Variants in AMN1 observed in about 807,000 individuals in gnomAD.
AMN1 encodes the protein protein AMN1 homolog.
In AMN1, 20 loss-of-function variants were observed where a neutral mutation model predicts 33.0. The observed-to-expected ratio is 0.61, with a 90% CI of 0.43 to 0.88. The LOEUF (loss-of-function observed/expected upper bound fraction) is 0.88, where lower values mean the gene tolerates loss of function less well. AMN1 is among the 40% of genes least tolerant of loss of function. The pLI, the probability that AMN1 is intolerant of heterozygous loss-of-function variation, is 0.00. For synonymous variants in AMN1, 114 were observed against 111.9 expected (o/e 1.02, Z -0.12); for missense variants, 246 against 307.4 (o/e 0.80, Z 1.49).
intron 1 of AMN1, among the ~76,000 whole-genome samples, chr12:31,711,174 C>T (rs1294892558): frequency 2.0e-5 from 3 of 151,928 alleles, no homozygotes; most frequent in Non-Finnish European, 4.4e-5. Flanking sequence ...GCACCCAGCC[C>T]TATTTATTTA....
chr12:31,726,692 T>C (rs1191047088), intron 1 of AMN1, among the ~76,000 whole-genome samples: 1 of 152,212 alleles, frequency 6.6e-6, no homozygotes, highest in African/African-American at 2.4e-5. Context: ...CTCAAGCTTC[T>C]TACTTTGTTA....
intron 6 of AMN1, among the ~76,000 whole-genome samples, chr12:31,681,217 T>C (rs1195227171): frequency 6.6e-6 from 1 of 152,112 alleles, no homozygotes; most frequent in Non-Finnish European, 1.5e-5. Context: ...GTATGAACTC[T>C]TGCATTATTA....
At chr12:31,680,527 T>G (rs1438826566) in intron 6 of AMN1, among the ~76,000 whole-genome samples, 1 of 152,194 alleles carries the variant, frequency 6.6e-6, no homozygotes, top group African/African-American at 2.4e-5. Context: ...ATATTTCTAA[T>G]AGCAGCTTAG....
chr12:31,725,569 T>C (rs914756705), intron 1 of AMN1, among the ~76,000 whole-genome samples: 5 of 152,234 alleles, frequency 3.3e-5, no homozygotes, highest in African/African-American at 4.8e-5. Context: ...TAAAATTTTG[T>C]CCTTGACTTT....
intron 2 of AMN1, 35 bp from the exon 3 acceptor site, chr12:31,702,042 C>A (rs1196349315): frequency 2.0e-6 from 3 of 1,500,782 alleles, no homozygotes; most frequent in South Asian, 1.3e-5. Context: ...AAAATTATTT[C>A]TTTCTATAAA....
chr12:31,729,018 G>C lies in AMN1; in HGVS notation c.-10C>G, dbSNP rs769372231. On this transcript the variant is annotated 5_prime_UTR_variant, in exon 1 of 7. Transcript: ENST00000281471. ...GCCGTGGGCGAGGCATCGCTGCAGC[G>C]TCTGAAGCCTCTTCCGCGGTCCCAG... The C allele has an allele frequency of 3.2e-6, 5 of 1,541,450 alleles. No homozygotes were observed. The highest frequency in any genetic ancestry group is 1.7e-4 in the Middle Eastern group (1 of 5,892).
chr12:31,720,257 C>T (rs1939832353), intron 1 of AMN1, among the ~76,000 whole-genome samples: 1 of 152,108 alleles, frequency 6.6e-6, no homozygotes, highest in Non-Finnish European at 1.5e-5. Flanking sequence ...GAAGTCAGTC[C>T]CTGCCGGGTG....
chr12:31,706,154 T>C (rs1939226881), intron 2 of AMN1, among the ~76,000 whole-genome samples: 1 of 151,380 alleles, frequency 6.6e-6, no homozygotes, highest in South Asian at 2.1e-4. Flanking sequence ...CTACTAAAAA[T>C]ACAAAAAATT....
chr12:31,705,651 G>A (rs1939204151), intron 2 of AMN1, among the ~76,000 whole-genome samples: 1 of 152,154 alleles, frequency 6.6e-6, no homozygotes, highest in Non-Finnish European at 1.5e-5. Context: ...AGGCTGGCAG[G>A]ACAAGGGGAA....
At chr12:31,699,395 C>CAAAAAAAAAAAAAAAAAAAAAAAAAAA (rs34860207) in intron 3 of AMN1, among the ~76,000 whole-genome samples, 4 of 36,872 alleles carry the variant, frequency 1.1e-4, no homozygotes, top group East Asian at 2.0e-3. Context: ...GACTCTGTCT[C>CAAAAAAAAAAAAAAAAAAAAAAAAAAA]AAAAAAAAAA....
intron 1 of AMN1, among the ~76,000 whole-genome samples, chr12:31,710,684 T>C (rs1313501664): frequency 1.3e-5 from 2 of 152,036 alleles, no homozygotes; most frequent in African/African-American, 4.8e-5. Context: ...TCTTATGAAA[T>C]CCCTTCAAGG....
At chr12:31,723,252 T>C (rs886734468) in intron 1 of AMN1, among the ~76,000 whole-genome samples, 8 of 152,138 alleles carry the variant, frequency 5.3e-5, no homozygotes, top group East Asian at 1.9e-4. Context: ...CCTGGGGCTA[T>C]TGTTAATGTG....
intron 5 of AMN1, among the ~76,000 whole-genome samples, chr12:31,696,840 G>C (rs1938747636): frequency 6.6e-6 from 1 of 151,312 alleles, no homozygotes; most frequent in Non-Finnish European, 1.5e-5. Flanking sequence ...AGAAGTGCTT[G>C]AACCTGGGAG....
intron 5 of AMN1, among the ~76,000 whole-genome samples, chr12:31,694,534 G>A (rs1938639571): frequency 2.6e-5 from 4 of 151,790 alleles, no homozygotes. Flanking sequence ...AACTGCTTGA[G>A]TCCAGGAGTT....
At chr12:31,722,527 C>T (rs189428725) in intron 1 of AMN1, among the ~76,000 whole-genome samples, 2 of 152,138 alleles carry the variant, frequency 1.3e-5, no homozygotes, top group Non-Finnish European at 2.9e-5. Context: ...AGTTTGGTCA[C>T]AAAAAAGGCA....
At chr12:31,728,448 G>A (rs1357975397) in intron 1 of AMN1, among the ~76,000 whole-genome samples, 1 of 152,212 alleles carries the variant, frequency 6.6e-6, no homozygotes, top group Non-Finnish European at 1.5e-5. Flanking sequence ...CTAGGCACAG[G>A]GAGAGGTTAC....
chr12:31,691,947 G>A (rs1179437107), intron 5 of AMN1, among the ~76,000 whole-genome samples: 1 of 151,894 alleles, frequency 6.6e-6, no homozygotes, highest in Non-Finnish European at 1.5e-5. Flanking sequence ...GAGCAGTCTT[G>A]GCTCATTGCA....
chr12:31,672,509 C>T (rs1296614956), intron 6 of AMN1, 132 bp from the exon 7 acceptor site: 4 of 636,242 alleles, frequency 6.3e-6, no homozygotes, highest in Admixed American at 4.9e-5. Flanking sequence ...CTATAAAGCA[C>T]AATATACAAC....
At chr12:31,673,870 G>GT (rs1336742964) in intron 6 of AMN1, among the ~76,000 whole-genome samples, 12 of 152,176 alleles carry the variant, frequency 7.9e-5, no homozygotes, top group Admixed American at 5.2e-4. Flanking sequence ...TATTGCTGCT[G>GT]TAACAAATTA....
Sources: allele counts gnomAD v4.1 joint callset (sites outside exome capture counted in the v4.1 genomes callset), GRCh38; gene constraint gnomAD v4.1.1; transcripts MANE v1.5; gene names NCBI Gene and HGNC (gene_info 2026-07-23, HGNC 2026-07-21).